Variants in PRKAG2 observed in about 807,000 individuals in gnomAD.
PRKAG2 encodes the protein protein kinase AMP-activated non-catalytic subunit gamma 2.
PRKAG2 carries 26 observed loss-of-function variants against 69.6 expected under a neutral mutation model. That is an observed-to-expected ratio of 0.37 (90% CI 0.27 to 0.52). The LOEUF is 0.52. PRKAG2 is among the 20% of genes least tolerant of loss of function. PRKAG2 has a pLI of 0.90. For synonymous variants in PRKAG2, 293 were observed against 285.0 expected, an observed-to-expected ratio of 1.03 and a Z score of -0.28; for missense variants, 557 against 740.0, an observed-to-expected ratio of 0.75 and a Z score of 2.87.
chr7:151,567,226 C>T lies in PRKAG2; in HGVS notation c.1234-1341G>A, dbSNP rs1478452920. Reference sequence around the variant, plus strand: ...AAACGCCTCCCTCCCAAGGCCCCTGCGTGGAGAAAAGCATGGGGAGTGAGG... The same window carrying T: ...AAACGCCTCCCTCCCAAGGCCCCTGTGTGGAGAAAAGCATGGGGAGTGAGG... On this transcript the variant is annotated intron_variant, in intron 11 of 15. Coordinates refer to ENST00000287878, the MANE Select transcript of PRKAG2 (RefSeq NM_016203.4). This position sits in a 1 kb window ranked among gnomAD's most constrained non-coding sequence, Gnocchi z 4.2. Among the ~76,000 whole-genome samples, 2 of 152,122 alleles carry T rather than the reference C, an allele frequency of 1.3e-5. No homozygotes were observed. The highest frequency in any genetic ancestry group is 1.5e-5 in the Non-Finnish European group (1 of 68,012).
intron 5 of PRKAG2, among the ~76,000 whole-genome samples, chr7:151,619,292 A>G (rs1266073559): frequency 6.6e-6 from 1 of 152,236 alleles, no homozygotes; most frequent in Admixed American, 6.5e-5. Context: ...ACAGGGATGA[A>G]GCAGCAAGCA....
intron 1 of PRKAG2, among the ~76,000 whole-genome samples, chr7:151,813,482 C>T (rs1197828537): frequency 4.8e-5 from 6 of 125,804 alleles, no homozygotes; most frequent in South Asian, 3.1e-4. Flanking sequence ...TTACGGAAGG[C>T]GATTGTAAGG....
At position 151,781,344 on chromosome 7, in the gene PRKAG2, G is replaced by T. The variant is rs1170556084; in HGVS notation, c.274C>A (p.Pro92Thr). The change falls in exon 3 of 16, where the codon CCT (proline) becomes ACT (threonine). Residue 92 changes from proline to threonine, a missense_variant. This residue lies in a region of PRKAG2 where 352 missense variants were observed against 356.7 expected (regional missense o/e 0.99). Transcript: ENST00000287878. The surrounding 1 kb of genome is among the most constrained non-coding windows in gnomAD (Gnocchi z 6.1). ...QPRPSSPMSA[P>T]VRPKTSPGSP... ...CCGGGGCTGGTCTTGGGCCTCACAG[G>T]TGCAGACATGGGGCTGGAGGGCCGG... 1.2e-6 allele frequency: 2 copies of T among 1,613,862 alleles called. No homozygotes were observed. The highest frequency in any genetic ancestry group is 2.2e-5 in the South Asian group (2 of 91,064).
chr7:151,623,890 G>A (rs1416762061), intron 5 of PRKAG2, among the ~76,000 whole-genome samples: 3 of 152,198 alleles, frequency 2.0e-5, no homozygotes, highest in African/African-American at 2.4e-5. Context: ...GTAAATAAGC[G>A]TCTTACAATG....
intron 14 of PRKAG2, among the ~76,000 whole-genome samples, chr7:151,562,957 A>G (rs1458467245): frequency 3.4e-5 from 5 of 145,804 alleles, no homozygotes; most frequent in African/African-American, 1.3e-4. Context: ...TCCGTCTCAA[A>G]AAAAAAAAAA....
intron 3 of PRKAG2, among the ~76,000 whole-genome samples, chr7:151,754,152 G>A (rs2074905615): frequency 6.6e-6 from 1 of 152,370 alleles, no homozygotes; most frequent in South Asian, 2.1e-4. Flanking sequence ...CTAACTCGCT[G>A]AGGGCAAGGA....
chr7:151,723,697 G>A (rs1211175932), intron 3 of PRKAG2, among the ~76,000 whole-genome samples: 2 of 152,200 alleles, frequency 1.3e-5, no homozygotes, highest in African/African-American at 4.8e-5. Context: ...CCTACAGGGA[G>A]CTCTTCAAGG....
chr7:151,754,772 C>G (rs553373607), intron 3 of PRKAG2, among the ~76,000 whole-genome samples: 2 of 149,306 alleles, frequency 1.3e-5, no homozygotes, highest in African/African-American at 2.5e-5. Context: ...ACCTCACTCT[C>G]CAGCACTTCG....
chr7:151,607,461 G>T (rs35588456), intron 5 of PRKAG2, among the ~76,000 whole-genome samples: 5,718 of 150,180 alleles, frequency 0.038, 195 homozygotes, highest in Non-Finnish European at 0.05. Context: ...TTTTTTTGTA[G>T]TGATGGGGTC....
rs1554507908 is a variant in PRKAG2 at position 151,632,134 on chromosome 7, G to A, written c.689C>T (p.Ala230Val). The A allele has an allele frequency of 2.1e-6, 3 of 1,402,836 alleles. No homozygotes were observed. Among genetic ancestry groups the A allele is most frequent in the Non-Finnish European group, 9.4e-7 (1 of 1,064,794 alleles). The allele number at this position is 1,402,836 out of a possible 1,614,324, so 86.9% of individuals were successfully genotyped here. A position where few individuals can be genotyped will look rare whatever the true frequency, so the allele number is the denominator to read the frequency against. Residue 230 changes from alanine (A) to valine (V), a missense_variant, in exon 5 of 16, where the codon GCG becomes GTG. This residue lies in a region of PRKAG2 where 352 missense variants were observed against 356.7 expected (regional missense o/e 0.99). Coordinates refer to ENST00000287878, the MANE Select transcript of PRKAG2 (RefSeq NM_016203.4). The surrounding 1 kb of genome is among the most constrained non-coding windows in gnomAD (Gnocchi z 4.2). ...PTHYAPSKAA[A>V]LAAALGPAEA... The stretch of plus-strand genomic sequence containing the variant: ...CGCGGGTCCCAGGGCCGCCGCCAGC[G>A]CCGCCTGAGGGGGAGGAGGAGGACA...
At chr7:151,752,167 A>G (rs1371543688) in intron 3 of PRKAG2, among the ~76,000 whole-genome samples, 1 of 152,206 alleles carries the variant, frequency 6.6e-6, no homozygotes. Context: ...CCCATCAATG[A>G]CAGACCAGAT....
At position 151,592,282 on chromosome 7, in the gene PRKAG2, C is replaced by G. The variant is rs148055692; in HGVS notation, c.864+3063G>C. ...TGAGGACAGTGGGGATTACATCCCCCAGCAGGCAGACCTCCCAGTTGGACA... is the reference window on the plus strand; with the variant it reads ...TGAGGACAGTGGGGATTACATCCCCGAGCAGGCAGACCTCCCAGTTGGACA... On this transcript the variant is annotated intron_variant, in intron 6 of 15. Coordinates refer to ENST00000287878, the MANE Select transcript of PRKAG2 (RefSeq NM_016203.4). Among the ~76,000 whole-genome samples, 449 of 152,332 alleles carry G rather than the reference C, an allele frequency of 2.9e-3. 4 individuals carry two copies. Among genetic ancestry groups the G allele is most frequent in the African/African-American group, 0.01 (432 of 41,588 alleles).
At chr7:151,869,470 T>A (rs369308199) in intron 1 of PRKAG2, among the ~76,000 whole-genome samples, 89 of 152,332 alleles carry the variant, frequency 5.8e-4, no homozygotes, top group African/African-American at 1.9e-3. Flanking sequence ...TTTTCTCAGC[T>A]GGGCATTTGT....
At chr7:151,560,201 G>A (rs2150969677) in intron 15 of PRKAG2, 3 of 1,212,890 alleles carry the variant, frequency 2.5e-6, no homozygotes, top group Non-Finnish European at 3.1e-6. Flanking sequence ...CTGGTCACTA[G>A]TTCTCTCACA....
At chr7:151,870,154 T>TAGATAGATAGATAGATAGATAGGCAGGC (rs1159760978) in intron 1 of PRKAG2, among the ~76,000 whole-genome samples, 21 of 138,428 alleles carry the variant, frequency 1.5e-4, no homozygotes, top group African/African-American at 5.5e-4. Flanking sequence ...GATAGATAGA[T>TAGATAGATAGATAGATAGATAGGCAGGC]AGGCAGGCAG....
intron 6 of PRKAG2, among the ~76,000 whole-genome samples, chr7:151,580,812 G>C (rs2151066012): frequency 6.6e-6 from 1 of 151,706 alleles, no homozygotes; most frequent in East Asian, 2.0e-4. Flanking sequence ...AGTGGGGGTG[G>C]GTGCGGGGAG....
chr7:151,830,682 G>T (rs1032815899), intron 1 of PRKAG2, among the ~76,000 whole-genome samples: 6 of 150,890 alleles, frequency 4.0e-5, no homozygotes, highest in African/African-American at 1.5e-4. Flanking sequence ...AGGAACCAGA[G>T]CCTGGCCTGA....
intron 3 of PRKAG2, among the ~76,000 whole-genome samples, chr7:151,742,247 C>A (rs550800441): frequency 5.9e-5 from 9 of 152,076 alleles, no homozygotes; most frequent in Admixed American, 1.3e-4. Context: ...TCCAGAGGAC[C>A]GCTGTGGACT....
intron 1 of PRKAG2, among the ~76,000 whole-genome samples, chr7:151,859,178 G>A (rs1466613842): frequency 1.3e-5 from 2 of 152,246 alleles, no homozygotes; most frequent in African/African-American, 2.4e-5. Context: ...TGTGTGCATC[G>A]TCCTGTGATG....
Sources: gnomAD v4.1 joint callset for allele counts (sites outside exome capture counted in the v4.1 genomes callset) on GRCh38, gnomAD v4.1.1 for gene constraint, gnomAD v4.1.1 regional missense constraint, Gnocchi (gnomAD v3.1) non-coding constraint, MANE v1.5 for transcripts, NCBI Gene and HGNC (gene_info 2026-07-23, HGNC 2026-07-21) for gene names.